The following STS variants were observed in gnomAD, a reference collection of about 807,000 sequenced individuals.
STS encodes the protein steroid sulfatase.
Under a neutral mutation model 26.8 loss-of-function variants are expected in STS, and 7 were observed. The observed-to-expected ratio is 0.26, with a 90% confidence interval of 0.15 to 0.49. The LOEUF (loss-of-function observed/expected upper bound fraction) is 0.49. Among genes scored for constraint, STS ranks in the 20% least tolerant of loss-of-function variants. The pLI, the probability that STS is intolerant of heterozygous loss-of-function variation, is 0.98. For synonymous variants in STS, 199 were observed against 189.4 expected, an observed-to-expected ratio of 1.05 and a Z score of -0.42; for missense variants, 434 against 465.6, an observed-to-expected ratio of 0.93 and a Z score of 0.63.
intron 2 of STS, among the ~76,000 whole-genome samples, chrX:7,245,878 G>A (rs757235669): frequency 8.9e-6 from 1 of 111,863 alleles, no homozygotes; most frequent in Non-Finnish European, 1.9e-5. Context: ...CAGCCTTTCC[G>A]CACCTCACTC....
At chrX:7,337,367 A>G (rs958071750) in intron 10 of STS, among the ~76,000 whole-genome samples, 1 of 112,063 alleles carries the variant, frequency 8.9e-6, no homozygotes, top group Non-Finnish European at 1.9e-5. Flanking sequence ...TAGCTGTACA[A>G]TGTGCTGGGA....
intron 10 of STS, among the ~76,000 whole-genome samples, chrX:7,344,553 C>T (rs994169571): frequency 2.7e-5 from 3 of 111,553 alleles, no homozygotes; most frequent in Non-Finnish European, 5.6e-5. Flanking sequence ...GACAGCTCCT[C>T]TGTGCTGTGG....
intron 10 of STS, among the ~76,000 whole-genome samples, chrX:7,341,818 ATT>A (rs765752385): frequency 3.9e-5 from 4 of 102,036 alleles, no homozygotes; most frequent in African/African-American, 1.4e-4. Context: ...TTATCCAACA[ATT>A]TTTTTTTTTG....
intron 3 of STS, 85 bp from the exon 4 acceptor site, chrX:7,257,157 G>A: frequency 8.7e-7 from 1 of 1,154,161 alleles, no homozygotes; most frequent in Non-Finnish European, 1.2e-6. Context: ...TCCAGCCTGG[G>A]TGACAGAGTG....
At chrX:7,277,643 T>C (rs1239913644) in intron 7 of STS, among the ~76,000 whole-genome samples, 1 of 111,586 alleles carries the variant, frequency 9.0e-6, no homozygotes, top group Non-Finnish European at 1.9e-5. Flanking sequence ...AGGTTCTTTT[T>C]TTCTCTAATA....
chrX:7,165,893 A>G (rs761803285), intron 1 of STS, among the ~76,000 whole-genome samples: 201 of 111,886 alleles, frequency 1.8e-3, no homozygotes, highest in African/African-American at 5.5e-3. Flanking sequence ...GGCCCTGGCA[A>G]GAACCACTGG....
At chrX:7,270,100 G>A (rs1359502781) in intron 6 of STS, among the ~76,000 whole-genome samples, 1 of 112,139 alleles carries the variant, frequency 8.9e-6, no homozygotes, top group African/African-American at 3.2e-5. Context: ...GCTGTCTTCT[G>A]TATTTTTAAC....
At chrX:7,148,170 G>T in intron 1 of STS, 87 bp downstream of exon 1, 1 of 880,542 alleles carries the variant, frequency 1.1e-6, no homozygotes, top group Non-Finnish European at 1.6e-6. Context: ...GCACCCGCCC[G>T]CCCCGCGCAC....
intron 8 of STS, among the ~76,000 whole-genome samples, chrX:7,325,125 G>A (rs1457689235): frequency 1.8e-5 from 2 of 111,880 alleles, no homozygotes; most frequent in African/African-American, 6.5e-5. Context: ...ATGCCATACA[G>A]TGCTGACCAT....
chrX:7,205,267 A>G (rs1429409532), intron 2 of STS, among the ~76,000 whole-genome samples: 1 of 112,530 alleles, frequency 8.9e-6, no homozygotes, highest in Non-Finnish European at 1.9e-5. Flanking sequence ...ATAGTGAGGA[A>G]GAGAAAGAAT....
At chrX:7,272,604 A>G (rs751867499) in intron 6 of STS, among the ~76,000 whole-genome samples, 19 of 111,971 alleles carry the variant, frequency 1.7e-4, no homozygotes, top group Non-Finnish European at 3.2e-4. Context: ...TGCAATTCAC[A>G]TTGCATTCCC....
Position 7,215,012 on chromosome X carries a change from A to ATATATATAT in STS, c.-5+24005_-5+24013dup, listed in dbSNP as rs1314259942. 1.3e-3 allele frequency among the ~76,000 whole-genome samples: 21 copies of ATATATATAT among 16,558 alleles called. No individual in the cohort carries two copies. In the East Asian group the frequency reaches 0.042, roughly 33 times the overall value. 14.4% of individuals were successfully genotyped at this position (16,558 alleles called of 115,157 possible). On this transcript the variant is annotated intron_variant, in intron 2 of 10. Coordinates refer to ENST00000674429, the MANE Select transcript of STS (RefSeq NM_001320752.2). ...TATACGTATATATACATATATACGT[A>ATATATATAT]TATATATATATTATATATGTATATA...
chrX:7,323,408 C>G (rs1315535477), intron 8 of STS, among the ~76,000 whole-genome samples: 3 of 110,794 alleles, frequency 2.7e-5, no homozygotes, highest in Non-Finnish European at 3.8e-5. Context: ...CCAGTGTCTA[C>G]TGTTGCCAAC....
At chrX:7,163,697 A>T (rs1933293855) in intron 1 of STS, among the ~76,000 whole-genome samples, 1 of 112,789 alleles carries the variant, frequency 8.9e-6, no homozygotes, top group African/African-American at 3.2e-5. Context: ...AAAGAAAAAC[A>T]TTGAAAACCC....
At chrX:7,210,039 G>A (rs1920988811) in intron 2 of STS, among the ~76,000 whole-genome samples, 1 of 111,468 alleles carries the variant, frequency 9.0e-6, no homozygotes, top group Admixed American at 9.6e-5. Context: ...GGGCATTTGG[G>A]TTGGTTCCAT....
In STS at chrX:7,257,530, C is replaced by G. The variant is rs200213376; in HGVS notation, c.324C>G (p.Thr108=). The G allele has an allele frequency of 8.3e-7, 1 of 1,211,646 alleles. No homozygotes were observed. Among genetic ancestry groups the G allele is most frequent in the African/African-American group, 1.7e-5 (1 of 57,805 alleles). ...CAGCCTCTTCGGGAGGACTTCCCACCGATGAGATTACCTTTGCTAAGCTTC... is the reference window on the plus strand; with the variant it reads ...CAGCCTCTTCGGGAGGACTTCCCACGGATGAGATTACCTTTGCTAAGCTTC... The part of the protein sequence containing the change: ...LFTASSGGLP[T]DEITFAKLLK... The change falls in exon 5 of 11, where the codon ACC becomes ACG. Residue 108 remains threonine, a synonymous_variant. Coordinates refer to ENST00000674429, the MANE Select transcript of STS (RefSeq NM_001320752.2).
intron 2 of STS, among the ~76,000 whole-genome samples, chrX:7,202,776 G>A (rs1934095734): frequency 9.0e-6 from 1 of 111,171 alleles, no homozygotes; most frequent in Admixed American, 9.6e-5. Context: ...GACTAAGTGA[G>A]GAAGATCCAC....
chrX:7,222,528 C>CA (rs770658761), intron 2 of STS, among the ~76,000 whole-genome samples: 598 of 39,120 alleles, frequency 0.015, 29 homozygotes, highest in East Asian at 0.085. Flanking sequence ...CCCTCAGCTG[C>CA]AAAAAAAAAA....
Position 7,325,476 on chromosome X carries a change from G to A in STS, c.1219G>A (p.Gly407Arg). The A allele has an allele frequency of 5.0e-6, 6 of 1,211,332 alleles. No homozygotes were observed. The highest frequency in any genetic ancestry group is 2.4e-4 in the Middle Eastern group (1 of 4,253). Reference protein sequence around the residue: ...DIFPTVAKLAGAPLPEDRIID... With the variant: ...DIFPTVAKLARAPLPEDRIID... ...ATTTCCTACAGTAGCCAAGCTGGCT[G>A]GAGCTCCCTTGCCTGAGGACAGGTA... is the stretch of plus-strand genomic sequence containing the variant. Residue 407 changes from glycine to arginine, a missense_variant, in exon 9 of 11, where the codon GGA becomes AGA. Around this residue, in one of 2 missense-constraint regions of STS, gnomAD observed 205 missense variants for 177.3 expected, o/e 1.16. Transcript: ENST00000674429.
Sources: gnomAD v4.1 joint callset for allele counts (sites outside exome capture counted in the v4.1 genomes callset) on GRCh38, gnomAD v4.1.1 for gene constraint, gnomAD v4.1.1 regional missense constraint, MANE v1.5 for transcripts, NCBI Gene and HGNC (gene_info 2026-07-23, HGNC 2026-07-21) for gene names.